Variants in SDK2 observed in about 807,000 individuals in gnomAD.
SDK2 encodes the protein sidekick cell adhesion molecule 2.
A neutral mutation model predicts 253.9 loss-of-function variants in SDK2; 105 were observed. The observed-to-expected ratio is 0.41, with a 90% CI of 0.35 to 0.49. The LOEUF (loss-of-function observed/expected upper bound fraction) is 0.49. Ranked by LOEUF, SDK2 falls within the 20% of genes least tolerant of loss-of-function variation. The pLI is 0.06. For missense variants in SDK2, 2,608 were observed against 3,003.0 expected (o/e 0.87, Z 3.07); for synonymous variants, 1,249 against 1,234.9 (o/e 1.01, Z -0.24).
chr17:73,472,905 T>A (rs1161573059), intron 2 of SDK2, among the ~76,000 whole-genome samples: 1 of 152,208 alleles, frequency 6.6e-6, no homozygotes, highest in Non-Finnish European at 1.5e-5. Context: ...CTGCCATCCA[T>A]GTAAGATGTG....
chr17:73,537,971 C>A (rs1439019302), intron 1 of SDK2, among the ~76,000 whole-genome samples: 1 of 152,152 alleles, frequency 6.6e-6, no homozygotes, highest in African/African-American at 2.4e-5. Flanking sequence ...ACTGACCTGA[C>A]CTGGAACACA....
intron 2 of SDK2, among the ~76,000 whole-genome samples, chr17:73,485,920 C>T (rs753184283): frequency 5.9e-5 from 9 of 152,134 alleles, no homozygotes; most frequent in African/African-American, 9.7e-5. Context: ...TACATGTGTA[C>T]GAAGGTCACT....
At chr17:73,571,067 C>T (rs1229503257) in intron 1 of SDK2, among the ~76,000 whole-genome samples, 3 of 136,142 alleles carry the variant, frequency 2.2e-5, no homozygotes, top group South Asian at 2.5e-4. Context: ...GGAGGTGGCT[C>T]GGGTTTTTTT....
intron 1 of SDK2, among the ~76,000 whole-genome samples, chr17:73,530,291 C>G (rs932443690): frequency 6.6e-6 from 1 of 152,144 alleles, no homozygotes; most frequent in Non-Finnish European, 1.5e-5. Context: ...ACAATCATGG[C>G]AGAAGGCGAA....
At chr17:73,553,530 A>T (rs1048371401) in intron 1 of SDK2, among the ~76,000 whole-genome samples, 5 of 152,140 alleles carry the variant, frequency 3.3e-5, no homozygotes, top group Non-Finnish European at 5.9e-5. Context: ...TGTTTCCTGC[A>T]GGGAGCTGCC....
intron 1 of SDK2, among the ~76,000 whole-genome samples, chr17:73,559,703 A>G (rs1328083531): frequency 1.3e-5 from 2 of 148,896 alleles, no homozygotes; most frequent in Non-Finnish European, 3.0e-5. Flanking sequence ...ACAGGATGGG[A>G]CAGGTAAGGT....
At chr17:73,388,800 T>G (rs200307811) in intron 29 of SDK2, among the ~76,000 whole-genome samples, 1 of 43,948 alleles carries the variant, frequency 2.3e-5, no homozygotes, top group Non-Finnish European at 4.9e-5. Context: ...CCCTCCCTCC[T>G]TCCTTCCTTC....
In SDK2 at chr17:73,365,378, A is replaced by C. The variant is rs149537911; in HGVS notation, c.5185T>G (p.Ser1729Ala). ...GTGGTCAGCTCACTGAACTTGACCG[A>C]GCTGGGAGCGCTGGGGGCTGCGGGA... ...TQQAAPSAPS[S>A]VKFSELTTTS... The change falls in exon 38 of 45, where the codon TCG becomes GCG. Residue 1729 changes from serine to alanine, a missense_variant. By Grantham distance (99) the Ser-to-Ala change is moderately conservative. Coordinates refer to ENST00000392650, the MANE Select transcript of SDK2 (RefSeq NM_001144952.2). The C allele has an allele frequency of 6.2e-7, 1 of 1,610,448 alleles. No individual in the cohort carries two copies. The highest frequency in any genetic ancestry group is 1.7e-5 in the Admixed American group (1 of 59,202).
chr17:73,421,573 CTTTTTTTTTT>C (rs36068491), intron 15 of SDK2, among the ~76,000 whole-genome samples: 28 of 90,790 alleles, frequency 3.1e-4, no homozygotes, highest in African/African-American at 1.1e-3. Context: ...CAATTTCCAT[CTTTTTTTTTT>C]TTTTTTTTTT....
intron 33 of SDK2, among the ~76,000 whole-genome samples, 190 bp from the exon 34 acceptor site, chr17:73,381,140 G>A (rs1045143832): frequency 1.3e-5 from 2 of 152,214 alleles, no homozygotes; most frequent in Non-Finnish European, 2.9e-5. Context: ...TGGGGGCAGG[G>A]GAAGGTGGAG....
intron 1 of SDK2, among the ~76,000 whole-genome samples, chr17:73,631,585 C>T (rs564831869): frequency 1.3e-5 from 2 of 152,348 alleles, no homozygotes; most frequent in South Asian, 2.1e-4. Flanking sequence ...CAGCCAGGAA[C>T]CCCGGGGAAC....
At chr17:73,456,811 G>A (rs1404160478) in intron 3 of SDK2, among the ~76,000 whole-genome samples, 2 of 152,232 alleles carry the variant, frequency 1.3e-5, no homozygotes, top group Non-Finnish European at 2.9e-5. Context: ...GGCCTGCCGG[G>A]GCGGGACAAG....
Position 73,534,097 on chromosome 17 carries a change from C to G in SDK2, c.65-26500G>C, listed in dbSNP as rs569746471. 5.5e-4 allele frequency among the ~76,000 whole-genome samples: 84 copies of G among 152,298 alleles called. 1 individual carries two copies. Among genetic ancestry groups the G allele is most frequent in the African/African-American group, 2.0e-3 (82 of 41,570 alleles). ...GCCTCCTCCCCTCCTCTTCCTCCTC[C>G]TCCTTCCCACTCTCCTTCCAATAAG... On this transcript the variant is annotated intron_variant, in intron 1 of 44. Coordinates refer to ENST00000392650, the MANE Select transcript of SDK2 (RefSeq NM_001144952.2). This position sits in a 1 kb window ranked among gnomAD's most constrained non-coding sequence, Gnocchi z 4.9.
At chr17:73,422,158 C>G in intron 15 of SDK2, 129 bp downstream of exon 15, 1 of 1,018,564 alleles carries the variant, frequency 9.8e-7, no homozygotes, top group Admixed American at 2.5e-5. Context: ...ATTGCTCTCC[C>G]CTTCTACAGA....
At chr17:73,532,339 A>T (rs772907692) in intron 1 of SDK2, among the ~76,000 whole-genome samples, 77 of 152,170 alleles carry the variant, frequency 5.1e-4, no homozygotes, top group Non-Finnish European at 1.6e-4. Flanking sequence ...CCTGCCACGC[A>T]GTAGGCCCGC....
chr17:73,541,979 C>A lies in SDK2; in HGVS notation c.65-34382G>T, dbSNP rs1190110740. On this transcript the variant is annotated intron_variant, in intron 1 of 44. Transcript: ENST00000392650. The surrounding 1 kb of genome is among the most constrained non-coding windows in gnomAD (Gnocchi z 4.3). ...TTCTGCTGATAAACAGTGTCAATGGCATCTCTTTTACAGGAGTGTCGCGAC... is the reference window on the plus strand; with the variant it reads ...TTCTGCTGATAAACAGTGTCAATGGAATCTCTTTTACAGGAGTGTCGCGAC... 6.6e-6 allele frequency among the ~76,000 whole-genome samples: 1 copy of A among 152,220 alleles called. No individual in the cohort carries two copies. The highest frequency in any genetic ancestry group is 1.9e-4 in the East Asian group (1 of 5,196).
At position 73,391,438 on chromosome 17, in the gene SDK2, A is replaced by T; in HGVS notation, c.3997+2T>A. On this transcript the variant is annotated splice_donor_variant, in intron 28 of 44. Coordinates refer to ENST00000392650, the MANE Select transcript of SDK2 (RefSeq NM_001144952.2). LOFTEE classifies it high-confidence loss of function. ...CGGGGCACGGGAAGGGCAAAGGCTT[A>T]CCAAGAATGATGCCATTGGGGGCGG... The T allele has an allele frequency of 7.6e-7, 1 of 1,307,406 alleles. No homozygotes were observed. The allele number at this position is 1,307,406 out of a possible 1,614,324, so 81.0% of individuals were successfully genotyped here. A position where few individuals can be genotyped will look rare whatever the true frequency, so the allele number is the denominator to read the frequency against.
At chr17:73,598,618 A>C (rs1376775230) in intron 1 of SDK2, among the ~76,000 whole-genome samples, 1 of 151,720 alleles carries the variant, frequency 6.6e-6, no homozygotes, top group Non-Finnish European at 1.5e-5. Context: ...CAGGAGAGGA[A>C]GCTGCCCAGT....
chr17:73,392,362 C>G (rs748028795), intron 27 of SDK2, among the ~76,000 whole-genome samples: 1 of 151,972 alleles, frequency 6.6e-6, no homozygotes, highest in African/African-American at 2.4e-5. Flanking sequence ...CTCCGCCTCC[C>G]GGGTTCAAGC....
Sources: allele counts gnomAD v4.1 joint callset (sites outside exome capture counted in the v4.1 genomes callset), GRCh38; gene constraint gnomAD v4.1.1; non-coding constraint Gnocchi (gnomAD v3.1); transcripts MANE v1.5; gene names NCBI Gene and HGNC (gene_info 2026-07-23, HGNC 2026-07-21).